Variants in CEP290 observed in about 807,000 individuals in gnomAD.
CEP290 encodes centrosomal protein 290.
CEP290 carries 317 observed loss-of-function variants against 344.9 expected under a neutral mutation model. That is an observed-to-expected ratio of 0.92 (90% confidence interval 0.84 to 1.01). The LOEUF is 1.01. CEP290 is among the 50% of genes least tolerant of loss of function. The probability of loss-of-function intolerance (pLI) is 0.00; values close to 1 mark genes in which losing one functional copy is unlikely to be tolerated. For synonymous variants in CEP290, 932 were observed against 895.8 expected (o/e 1.04, Z -0.72); for missense variants, 2,754 against 2,761.4 (o/e 1.00, Z 0.06).
intron 15 of CEP290, among the ~76,000 whole-genome samples, 173 bp from the exon 16 acceptor site, chr12:88,118,916 T>G (rs1194905784): frequency 6.6e-6 from 1 of 152,158 alleles, no homozygotes; most frequent in Non-Finnish European, 1.5e-5. Context: ...AAGTTAAAAT[T>G]TTATCACAAT....
chr12:88,084,060 A>G, intron 35 of CEP290, 106 bp from the exon 36 acceptor site: 1 of 710,370 alleles, frequency 1.4e-6, no homozygotes, highest in South Asian at 1.9e-5. Context: ...TTCCTTTGAG[A>G]TGAGGAAGAA....
Position 88,089,205 on chromosome 12 carries a change from A to C in CEP290, c.3856T>G (p.Phe1286Val). ...TGTAGTTGAATCATTGTTTTGGAGAACTTTTCCTGTTGTGCCAAGGGTAAA... is the reference window on the plus strand; with the variant it reads ...TGTAGTTGAATCATTGTTTTGGAGACCTTTTCCTGTTGTGCCAAGGGTAAA... ...GALPLAQQEK[F>V]SKTMIQLQND... The change falls in exon 31 of 54, where the codon TTC (phenylalanine) becomes GTC (valine). Residue 1286 changes from phenylalanine to valine, a missense_variant. Physicochemically the swap from Phe to Val is conservative, Grantham distance 50 (BLOSUM62 -1). Coordinates refer to ENST00000552810, the MANE Select transcript of CEP290 (RefSeq NM_025114.4). The C allele has an allele frequency of 6.2e-7, 1 of 1,613,236 alleles. No individual in the cohort carries two copies. The highest frequency in any genetic ancestry group is 8.5e-7 in the Non-Finnish European group (1 of 1,179,520).
Position 88,062,798 on chromosome 12 carries a change from CAT to C in CEP290, c.6271-22_6271-21del, listed in dbSNP as rs1383362772. ...TTGATTCTGAAAGATAACAAGCAAA[CAT>C]GTAATAATTTAACATAGCTACAGCC... On this transcript the variant is annotated intron_variant, in intron 45 of 53. Coordinates refer to ENST00000552810, the MANE Select transcript of CEP290 (RefSeq NM_025114.4). 1.9e-5 allele frequency: 27 copies of C among 1,455,806 alleles called. No homozygotes were observed. Among genetic ancestry groups the C allele is most frequent in the Non-Finnish European group, 2.6e-5 (27 of 1,056,524 alleles). The allele number at this position is 1,455,806 out of a possible 1,614,324, so 90.2% of individuals were successfully genotyped here. A position where few individuals can be genotyped will look rare whatever the true frequency, so the allele number is the denominator to read the frequency against.
intron 6 of CEP290, chr12:88,136,409 A>C (rs990529460): frequency 2.2e-6 from 1 of 446,524 alleles, no homozygotes; most frequent in Non-Finnish European, 3.9e-6. Flanking sequence ...TGATGTCCTG[A>C]GAAAAATGTA....
chr12:88,109,292 C>T (rs1210955062), intron 22 of CEP290, 111 bp from the exon 23 acceptor site: 3 of 517,186 alleles, frequency 5.8e-6, no homozygotes, highest in Non-Finnish European at 1.0e-5. Flanking sequence ...TTAAAAGTCA[C>T]CAAATCTGTA....
At chr12:88,134,976 TGCACCTC>T (rs1360364793) in intron 6 of CEP290, among the ~76,000 whole-genome samples, 1 of 152,168 alleles carries the variant, frequency 6.6e-6, no homozygotes, top group African/African-American at 2.4e-5. Context: ...GATCACATCC[TGCACCTC>T]AAGGCTGATT....
chr12:88,082,156 A>T (rs547393845), intron 37 of CEP290, among the ~76,000 whole-genome samples: 2 of 152,336 alleles, frequency 1.3e-5, no homozygotes, highest in South Asian at 4.1e-4. Flanking sequence ...TAGAGATAAT[A>T]TTATAATGAT....
intron 4 of CEP290, 98 bp downstream of exon 4, chr12:88,139,397 A>T: frequency 1.5e-6 from 1 of 646,774 alleles, no homozygotes; most frequent in Non-Finnish European, 2.3e-6. Flanking sequence ...TAAACTGAAT[A>T]TATATATTTT....
Position 88,071,319 on chromosome 12 carries a change from A to C in CEP290, c.5986T>G (p.Leu1996Val), listed in dbSNP as rs1460342479. The C allele has an allele frequency of 1.2e-6, 2 of 1,606,376 alleles. No individual in the cohort carries two copies. The highest frequency in any genetic ancestry group is 1.7e-6 in the Non-Finnish European group (2 of 1,175,458). Residue 1996 changes from leucine to valine, a missense_variant, in exon 43 of 54, where the codon TTA (leucine) becomes GTA (valine). By Grantham distance (32) the Leu-to-Val change is conservative. Transcript: ENST00000552810. ...LEELKKRNLDLENDILYMRAH... is the reference protein window; with the variant it reads ...LEELKKRNLDVENDILYMRAH... ...CTCATATACAATATATCATTTTCTAAGTCAAGATTTCTCTTTTTTAATTCT... is the reference window on the plus strand; with the variant it reads ...CTCATATACAATATATCATTTTCTACGTCAAGATTTCTCTTTTTTAATTCT...
intron 52 of CEP290, 77 bp downstream of exon 52, chr12:88,053,574 GA>G: frequency 1.5e-6 from 1 of 664,500 alleles, no homozygotes; most frequent in South Asian, 1.8e-5. Flanking sequence ...TCAGAAATCT[GA>G]GCCAAAAAAA....
At chr12:88,130,601 G>T (rs1268908597) in intron 7 of CEP290, 36 bp from the exon 8 acceptor site, 1 of 1,523,818 alleles carries the variant, frequency 6.6e-7, no homozygotes, top group Non-Finnish European at 8.8e-7. Context: ...AATTAGAAAT[G>T]AGAAAGGTAA....
chr12:88,053,733 G>A lies in CEP290; in HGVS notation c.7048C>T (p.Gln2350Ter), dbSNP rs375548374. The change falls in exon 52 of 54, where the codon CAG becomes TAG. Residue 2350 changes from glutamine (Q) to a stop codon, truncating the protein, a stop_gained. Coordinates refer to ENST00000552810, the MANE Select transcript of CEP290 (RefSeq NM_025114.4). LOFTEE classifies it high-confidence loss of function. The part of the protein sequence containing the change: ...ELQVLRLANH[Q>*]LDKEKAELIH... The stretch of plus-strand genomic sequence containing the variant: ...AATTCTGCTTTCTCTTTATCCAGCT[G>A]ATGATTAGCTAATCTAGAACACAAT... 32 of 1,522,198 alleles carry A rather than the reference G, an allele frequency of 2.1e-5. No homozygotes were observed. The highest frequency in any genetic ancestry group is 2.8e-5 in the Non-Finnish European group (31 of 1,125,364). 94.3% of individuals were successfully genotyped at this position (1,522,198 alleles called of 1,614,324 possible). A position where few individuals can be genotyped will look rare whatever the true frequency, so the allele number is the denominator to read the frequency against.
intron 44 of CEP290, among the ~76,000 whole-genome samples, chr12:88,065,155 AT>A (rs895234435): frequency 1.3e-5 from 2 of 151,954 alleles, no homozygotes; most frequent in East Asian, 1.9e-4. Context: ...ATAGGAAATA[AT>A]TTTTTTTAAT....
rs1311391471 is a variant in CEP290 at position 88,121,036 on chromosome 12, T to C, written c.1320A>G (p.Glu440=). 6.2e-7 allele frequency: 1 copy of C among 1,613,294 alleles called. No individual in the cohort carries two copies. Among genetic ancestry groups the C allele is most frequent in the Non-Finnish European group, 8.5e-7 (1 of 1,179,722 alleles). Residue 440 remains glutamate, a synonymous_variant, in exon 14 of 54, where the codon GAA becomes GAG. Coordinates refer to ENST00000552810, the MANE Select transcript of CEP290 (RefSeq NM_025114.4). ...TTAACCTCTTCAGAGCCTCAACTAATTCTTTATCCTTTTCCCTAGCATCAG... is the reference window on the plus strand; with the variant it reads ...TTAACCTCTTCAGAGCCTCAACTAACTCTTTATCCTTTTCCCTAGCATCAG... ...AEADAREKDK[E]LVEALKRLKD...
At chr12:88,134,047 T>C (rs1408416714) in intron 6 of CEP290, among the ~76,000 whole-genome samples, 5 of 152,218 alleles carry the variant, frequency 3.3e-5, no homozygotes, top group Admixed American at 3.3e-4. Flanking sequence ...ATGTCTACAT[T>C]GATGATTCAT....
chr12:88,083,117 G>C lies in CEP290; in HGVS notation c.4926C>G (p.Val1642=), dbSNP rs766831969. Residue 1642 remains valine, a synonymous_variant, in exon 37 of 54, where the codon GTC becomes GTG. Transcript: ENST00000552810. ...AATCTTGTGATACTTTCTTTAGTTT[G>C]ACCAAGAGTGAGGAAAGAGAGTCAT... ...EQDDSLSSLL[V]KLKKVSQDLE... 3.2e-6 allele frequency: 5 copies of C among 1,544,768 alleles called. No individual in the cohort carries two copies. Among genetic ancestry groups the C allele is most frequent in the Non-Finnish European group, 4.4e-6 (5 of 1,144,106 alleles).
intron 26 of CEP290, among the ~76,000 whole-genome samples, chr12:88,101,601 G>A (rs868620400): frequency 1.2e-4 from 18 of 149,272 alleles, no homozygotes; most frequent in African/African-American, 2.7e-4. Flanking sequence ...TGCAGTAAGC[G>A]TTAAGCCGAG....
chr12:88,115,557 G>A, intron 18 of CEP290: 1 of 1,290,294 alleles, frequency 7.8e-7, no homozygotes, highest in South Asian at 1.2e-5. Flanking sequence ...GAATTCCTGT[G>A]CTATGATTTC....
intron 42 of CEP290, 95 bp downstream of exon 42, chr12:88,071,686 A>G: frequency 9.9e-7 from 1 of 1,005,440 alleles, no homozygotes. Context: ...AAACTAGACC[A>G]TTTCTCATAT....
Sources: gnomAD v4.1 joint callset for allele counts (sites outside exome capture counted in the v4.1 genomes callset) on GRCh38, gnomAD v4.1.1 for gene constraint, MANE v1.5 for transcripts, NCBI Gene and HGNC (gene_info 2026-07-23, HGNC 2026-07-21) for gene names.